MYO5B: variants seen among roughly 807,000 people sequenced by gnomAD.
The protein encoded by MYO5B is myosin VB.
In MYO5B, 143 loss-of-function variants were observed where a neutral mutation model predicts 229.3. That is an observed-to-expected ratio of 0.62 (90% CI 0.54 to 0.72). The LOEUF is 0.72. Among genes scored for constraint, MYO5B ranks in the 30% least tolerant of loss-of-function variants. The pLI, the probability that MYO5B is intolerant of heterozygous loss-of-function variation, is 0.00. For synonymous variants in MYO5B, 918 were observed against 885.2 expected (o/e 1.04, Z -0.66); for missense variants, 2,321 against 2,331.0 (o/e 1.00, Z 0.09).
intron 14 of MYO5B, among the ~76,000 whole-genome samples, chr18:49,941,183 C>T (rs911211797): frequency 6.6e-6 from 1 of 152,190 alleles, no homozygotes; most frequent in African/African-American, 2.4e-5. Flanking sequence ...ACACACCAAC[C>T]ATTAGAAGCA....
At position 50,170,484 on chromosome 18, in the gene MYO5B, ATATTT is replaced by A. The variant is rs2144332521; in HGVS notation, c.27+24278_27+24282del. ...ATAATTTGACTTTAGAAATCATTCT[ATATTT>A]TATTTTCTAATCACATTTTTATTAC... On this transcript the variant is annotated intron_variant, in intron 1 of 39. Transcript: ENST00000285039. Among the ~76,000 whole-genome samples the A allele has an allele frequency of 1.6e-5, 2 of 127,746 alleles. 1 individual carries two copies. Among genetic ancestry groups the A allele is most frequent in the African/African-American group, 5.9e-5 (2 of 33,926 alleles). The allele number at this position is 127,746 out of a possible 152,430, so 83.8% of individuals were successfully genotyped here.
chr18:50,027,230 T>G (rs2026340966), intron 4 of MYO5B, among the ~76,000 whole-genome samples: 1 of 152,230 alleles, frequency 6.6e-6, no homozygotes, highest in South Asian at 2.1e-4. Context: ...CCTACTCACA[T>G]GTCAGCACCA....
intron 17 of MYO5B, 86 bp from the exon 18 acceptor site, chr18:49,912,259 T>C (rs184521488): frequency 2.1e-6 from 2 of 972,290 alleles, no homozygotes; most frequent in Non-Finnish European, 3.4e-6. Flanking sequence ...CAGTTCCCTA[T>C]GGGGTCAACA....
At chr18:50,164,393 A>G (rs1027198853) in intron 1 of MYO5B, among the ~76,000 whole-genome samples, 45 of 152,174 alleles carry the variant, frequency 3.0e-4, no homozygotes, top group African/African-American at 1.1e-3. Context: ...CCAGTTATCC[A>G]TGAGATAGAG....
intron 4 of MYO5B, among the ~76,000 whole-genome samples, chr18:50,020,716 G>A (rs978230526): frequency 2.6e-5 from 4 of 152,208 alleles, no homozygotes; most frequent in African/African-American, 9.7e-5. Flanking sequence ...CAGGCAGCAG[G>A]GGTAGAAATC....
chr18:50,153,197 C>G (rs1483391421), intron 1 of MYO5B, among the ~76,000 whole-genome samples: 1 of 152,130 alleles, frequency 6.6e-6, no homozygotes, highest in East Asian at 1.9e-4. Context: ...ACTATATACA[C>G]TAATTGCAAT....
intron 1 of MYO5B, among the ~76,000 whole-genome samples, chr18:50,110,688 A>G (rs1020196204): frequency 1.1e-4 from 16 of 152,226 alleles, no homozygotes; most frequent in African/African-American, 3.6e-4. Context: ...TGAGGACGGA[A>G]GTTAAGGAAC....
intron 29 of MYO5B, among the ~76,000 whole-genome samples, chr18:49,862,210 C>T (rs1375103826): frequency 6.6e-6 from 1 of 152,116 alleles, no homozygotes; most frequent in Non-Finnish European, 1.5e-5. Flanking sequence ...ATTGGCCAGG[C>T]TGGTCTCAAA....
intron 5 of MYO5B, among the ~76,000 whole-genome samples, chr18:49,997,360 CCTTT>C (rs2026000196): frequency 7.3e-6 from 1 of 136,126 alleles, no homozygotes; most frequent in Admixed American, 7.7e-5. Context: ...ACTCTAGCCT[CCTTT>C]CTTTCTTTTT....
intron 1 of MYO5B, among the ~76,000 whole-genome samples, chr18:50,093,191 C>G (rs966101306): frequency 2.2e-5 from 3 of 139,314 alleles, no homozygotes; most frequent in African/African-American, 8.8e-5. Flanking sequence ...CACACACACA[C>G]ACACACACAC....
At chr18:50,101,626 A>G (rs1207329597) in intron 1 of MYO5B, among the ~76,000 whole-genome samples, 1 of 152,216 alleles carries the variant, frequency 6.6e-6, no homozygotes, top group Non-Finnish European at 1.5e-5. Flanking sequence ...TTATGCAGCC[A>G]ACAAACATAA....
chr18:50,007,689 T>G (rs1345985861), intron 4 of MYO5B, among the ~76,000 whole-genome samples: 1 of 152,218 alleles, frequency 6.6e-6, no homozygotes, highest in Non-Finnish European at 1.5e-5. Context: ...CTGTCCCAGT[T>G]CAAACTGATA....
chr18:50,100,377 G>A (rs2031632439), intron 1 of MYO5B, among the ~76,000 whole-genome samples: 1 of 152,208 alleles, frequency 6.6e-6, no homozygotes, highest in Non-Finnish European at 1.5e-5. Flanking sequence ...TCAGACACAA[G>A]ACTCCCAGCT....
chr18:49,953,894 A>ATGTGTGTGTGTGTGTGTGTGTG (rs71169463), intron 13 of MYO5B, among the ~76,000 whole-genome samples: 1 of 108,472 alleles, frequency 9.2e-6, no homozygotes, highest in Non-Finnish European at 2.2e-5. Flanking sequence ...ATATACATAT[A>ATGTGTGTGTGTGTGTGTGTGTG]TGTGTGTGTG....
At chr18:49,847,388 G>T in intron 32 of MYO5B, 99 bp from the exon 33 acceptor site, 1 of 1,448,374 alleles carries the variant, frequency 6.9e-7, no homozygotes, top group Non-Finnish European at 9.4e-7. Context: ...ACCTGGGGCA[G>T]GGGAAGGGGC....
chr18:49,906,757 G>C, intron 18 of MYO5B, 127 bp from the exon 19 acceptor site: 1 of 814,652 alleles, frequency 1.2e-6, no homozygotes, highest in Non-Finnish European at 2.0e-6. Flanking sequence ...TCTGTAGATG[G>C]ACACAAAGTC....
At chr18:49,892,184 G>A (rs2024723159) in intron 22 of MYO5B, among the ~76,000 whole-genome samples, 3 of 152,250 alleles carry the variant, frequency 2.0e-5, no homozygotes, top group Non-Finnish European at 2.9e-5. Flanking sequence ...CAAAAAGAAC[G>A]AAATGTACAC....
chr18:50,139,456 C>A (rs1197754771), intron 1 of MYO5B, among the ~76,000 whole-genome samples: 1 of 152,224 alleles, frequency 6.6e-6, no homozygotes, highest in Admixed American at 6.5e-5. Flanking sequence ...TAACTCCTTA[C>A]AAGAGTCTTG....
At chr18:49,886,830 A>T (rs1200556881) in intron 22 of MYO5B, among the ~76,000 whole-genome samples, 1 of 152,106 alleles carries the variant, frequency 6.6e-6, no homozygotes, top group Non-Finnish European at 1.5e-5. Context: ...CCCTAGTATG[A>T]CACAGGGCAA....
Sources: allele counts gnomAD v4.1 joint callset (sites outside exome capture counted in the v4.1 genomes callset), GRCh38; gene constraint gnomAD v4.1.1; transcripts MANE v1.5; gene names NCBI Gene and HGNC (gene_info 2026-07-23, HGNC 2026-07-21).